TMTC2: variants seen among roughly 807,000 people sequenced by gnomAD.
TMTC2 encodes the protein transmembrane O-mannosyltransferase targeting cadherins 2.
TMTC2 carries 43 observed loss-of-function variants against 82.4 expected under a neutral mutation model. The ratio of observed to expected loss-of-function variants is 0.52; its 90% CI spans 0.41 to 0.67. The LOEUF (loss-of-function observed/expected upper bound fraction) is 0.67, where lower values mean the gene tolerates loss of function less well. TMTC2 is among the 30% of genes least tolerant of loss of function. The pLI is 0.00. For synonymous variants in TMTC2, 408 were observed against 381.9 expected (o/e 1.07, Z -0.80); for missense variants, 919 against 1,012.4 (o/e 0.91, Z 1.25).
intron 1 of TMTC2, among the ~76,000 whole-genome samples, chr12:82,829,973 T>C (rs967660515): frequency 9.9e-5 from 15 of 152,144 alleles, no homozygotes; most frequent in African/African-American, 3.6e-4. Context: ...GTCTCAGATA[T>C]AGCCAGAAAG....
intron 11 of TMTC2, among the ~76,000 whole-genome samples, chr12:83,108,978 A>G (rs1884508784): frequency 6.6e-6 from 1 of 152,182 alleles, no homozygotes; most frequent in Non-Finnish European, 1.5e-5. Context: ...CTGTTCACGT[A>G]AGATCCATTC....
chr12:82,696,791 G>C (rs1352683353), intron 1 of TMTC2, among the ~76,000 whole-genome samples: 1 of 152,028 alleles, frequency 6.6e-6, no homozygotes, highest in Non-Finnish European at 1.5e-5. Context: ...AGGAGTTTTA[G>C]ACCTGGCCCT....
chr12:83,108,688 A>G (rs965664595), intron 11 of TMTC2, among the ~76,000 whole-genome samples: 2 of 152,050 alleles, frequency 1.3e-5, no homozygotes, highest in Admixed American at 1.3e-4. Context: ...ATGCAATAAT[A>G]ACATTAATAA....
At chr12:82,813,689 C>A (rs948616600) in intron 1 of TMTC2, among the ~76,000 whole-genome samples, 1 of 152,000 alleles carries the variant, frequency 6.6e-6, no homozygotes, top group Non-Finnish European at 1.5e-5. Flanking sequence ...CCCTCCCTAC[C>A]CTTTTAATCT....
At chr12:82,731,586 A>G (rs1378794932) in intron 1 of TMTC2, among the ~76,000 whole-genome samples, 1 of 152,318 alleles carries the variant, frequency 6.6e-6, no homozygotes, top group Admixed American at 6.5e-5. Flanking sequence ...AATACTTGAT[A>G]ATTAGTTTAC....
chr12:82,687,581 GGA>G lies in TMTC2; in HGVS notation c.-1_1del. 1 of 1,595,032 alleles carries G rather than the reference GGA, an allele frequency of 6.3e-7. No homozygotes were observed. ...GGAGCCGAGCCGGAGGGAAGGCGGT[GGA>G]GAGATGATTGCAGAGTTGGTGAGCA... On this transcript the variant is annotated 5_prime_UTR_variant, in exon 1 of 12. Coordinates refer to ENST00000321196, the MANE Select transcript of TMTC2 (RefSeq NM_152588.3).
At chr12:82,992,227 A>G (rs1176880109) in intron 8 of TMTC2, among the ~76,000 whole-genome samples, 3 of 152,288 alleles carry the variant, frequency 2.0e-5, no homozygotes, top group East Asian at 3.9e-4. Flanking sequence ...GTGTGTTTCC[A>G]TGGGCCTTTT....
chr12:83,097,996 T>A (rs185982415), intron 11 of TMTC2, among the ~76,000 whole-genome samples: 10 of 152,310 alleles, frequency 6.6e-5, no homozygotes, highest in Admixed American at 1.3e-4. Flanking sequence ...GCCTCTTAGA[T>A]AATATGAGCA....
Position 82,687,392 on chromosome 12 carries a change from G to C in TMTC2, c.-195G>C, listed in dbSNP as rs1474514301. The C allele has an allele frequency of 1.6e-6, 1 of 607,024 alleles. No individual in the cohort carries two copies. Among genetic ancestry groups the C allele is most frequent in the Non-Finnish European group, 2.9e-6 (1 of 342,190 alleles). The allele number at this position is 607,024 out of a possible 1,614,324, so 37.6% of individuals were successfully genotyped here. A position where few individuals can be genotyped will look rare whatever the true frequency, so the allele number is the denominator to read the frequency against. On this transcript the variant is annotated 5_prime_UTR_variant, in exon 1 of 12. Transcript: ENST00000321196. ...GAGCCCGCACCCGGGGAGGACGCAG[G>C]AGCTGCGGAGACGGGCGCGAGGAGG...
At chr12:82,739,867 G>A (rs995337633) in intron 1 of TMTC2, among the ~76,000 whole-genome samples, 2 of 150,862 alleles carry the variant, frequency 1.3e-5, no homozygotes. Context: ...TATAGAACCA[G>A]TATTGTAGAA....
At chr12:82,938,324 G>A (rs1473100617) in intron 4 of TMTC2, among the ~76,000 whole-genome samples, 5 of 152,214 alleles carry the variant, frequency 3.3e-5, no homozygotes, top group Admixed American at 3.3e-4. Context: ...AATACAATTG[G>A]TGAGACTACT....
At chr12:82,883,359 A>G (rs546357947) in intron 2 of TMTC2, among the ~76,000 whole-genome samples, 83 of 152,336 alleles carry the variant, frequency 5.4e-4, no homozygotes, top group Non-Finnish European at 1.0e-3. Flanking sequence ...GAACATCTAT[A>G]AGGCATGTAT....
intron 2 of TMTC2, among the ~76,000 whole-genome samples, chr12:82,876,037 T>TGGTGGC (rs1555193433): frequency 0.01 from 1,005 of 97,196 alleles, 12 homozygotes; most frequent in Non-Finnish European, 0.013. Flanking sequence ...GCGGTGGTGG[T>TGGTGGC]GGTGGTGGTG....
chr12:82,789,186 C>T (rs1437994900), intron 1 of TMTC2, among the ~76,000 whole-genome samples: 4 of 152,020 alleles, frequency 2.6e-5, no homozygotes, highest in African/African-American at 9.7e-5. Context: ...CTGATATGTA[C>T]GATAAAGTTA....
intron 4 of TMTC2, among the ~76,000 whole-genome samples, chr12:82,946,225 T>A (rs1251160839): frequency 6.6e-6 from 1 of 152,222 alleles, no homozygotes; most frequent in African/African-American, 2.4e-5. Flanking sequence ...CCTAGTTTAC[T>A]TTGTATATTG....
chr12:82,975,333 A>G (rs1007644549), intron 7 of TMTC2, among the ~76,000 whole-genome samples: 4 of 152,122 alleles, frequency 2.6e-5, no homozygotes, highest in South Asian at 2.1e-4. Flanking sequence ...AACTCTTCCA[A>G]TGAGCTGTCA....
intron 4 of TMTC2, among the ~76,000 whole-genome samples, chr12:82,953,186 T>C (rs1483713972): frequency 6.6e-6 from 1 of 152,216 alleles, no homozygotes; most frequent in Non-Finnish European, 1.5e-5. Context: ...TTTCAGGTGA[T>C]TTCCTAAAGC....
intron 9 of TMTC2, among the ~76,000 whole-genome samples, chr12:83,036,708 T>TA (rs1030096145): frequency 2.0e-5 from 3 of 152,170 alleles, no homozygotes; most frequent in African/African-American, 7.2e-5. Flanking sequence ...GATGGTGTCC[T>TA]AGTCCATTTT....
chr12:82,901,561 C>A (rs1175281558), intron 3 of TMTC2, among the ~76,000 whole-genome samples: 1 of 151,870 alleles, frequency 6.6e-6, no homozygotes, highest in Non-Finnish European at 1.5e-5. Flanking sequence ...CTCGGCCTCC[C>A]AAAGTGCTGG....
Sources: gnomAD v4.1 joint callset for allele counts (sites outside exome capture counted in the v4.1 genomes callset) on GRCh38, gnomAD v4.1.1 for gene constraint, MANE v1.5 for transcripts, NCBI Gene and HGNC (gene_info 2026-07-23, HGNC 2026-07-21) for gene names.